The following SLMAP variants were observed in gnomAD, a reference collection of about 807,000 sequenced individuals.
The protein encoded by SLMAP is sarcolemmal membrane-associated protein.
SLMAP carries 44 observed loss-of-function variants against 128.8 expected under a neutral mutation model. The observed-to-expected ratio is 0.34, with a 90% confidence interval of 0.27 to 0.44. The LOEUF is 0.44. Ranked by LOEUF, SLMAP falls within the 20% of genes least tolerant of loss-of-function variation. The pLI is 1.00. For missense variants in SLMAP, 787 were observed against 985.3 expected, an observed-to-expected ratio of 0.80 and a Z score of 2.69; for synonymous variants, 327 against 348.8, an observed-to-expected ratio of 0.94 and a Z score of 0.70.
chr3:57,795,368 T>C (rs936628645), intron 2 of SLMAP, among the ~76,000 whole-genome samples: 10 of 151,986 alleles, frequency 6.6e-5, no homozygotes, highest in Admixed American at 1.3e-4. Flanking sequence ...TGAAACCCCG[T>C]CTCTACTAAA....
At chr3:57,913,801 T>C (rs1191721379) in intron 21 of SLMAP, among the ~76,000 whole-genome samples, 1 of 151,756 alleles carries the variant, frequency 6.6e-6, no homozygotes, top group Admixed American at 6.6e-5. Flanking sequence ...TACAAAAAAA[T>C]ACAAAAATTT....
chr3:57,846,836 G>A (rs909825977), intron 4 of SLMAP, among the ~76,000 whole-genome samples: 24 of 152,106 alleles, frequency 1.6e-4, no homozygotes, highest in African/African-American at 5.8e-4. Flanking sequence ...TGGAATTACA[G>A]GCATGAGCCA....
chr3:57,795,059 A>G (rs1258834145), intron 2 of SLMAP, among the ~76,000 whole-genome samples: 1 of 152,174 alleles, frequency 6.6e-6, no homozygotes, highest in Non-Finnish European at 1.5e-5. Flanking sequence ...TTCCTGGTCA[A>G]TACTTCTTAA....
intron 2 of SLMAP, among the ~76,000 whole-genome samples, chr3:57,767,380 C>G (rs935542752): frequency 2.6e-5 from 4 of 152,100 alleles, no homozygotes; most frequent in Admixed American, 2.6e-4. Context: ...TTCTGCAAAC[C>G]TGTGCAGTGT....
intron 2 of SLMAP, among the ~76,000 whole-genome samples, chr3:57,758,695 A>G (rs2078049429): frequency 6.6e-6 from 1 of 152,236 alleles, no homozygotes; most frequent in African/African-American, 2.4e-5. Context: ...TTATGTTAGT[A>G]TCGTAAGTTA....
chr3:57,836,502 T>A (rs111734071), intron 3 of SLMAP, among the ~76,000 whole-genome samples: 12 of 152,164 alleles, frequency 7.9e-5, no homozygotes, highest in African/African-American at 2.9e-4. Flanking sequence ...AATCTGTTTT[T>A]TAAATTTTTT....
chr3:57,857,888 TTAAA>T, intron 7 of SLMAP, 60 bp downstream of exon 7: 1 of 1,161,356 alleles, frequency 8.6e-7, no homozygotes, highest in Non-Finnish European at 1.3e-6. Flanking sequence ...TCCATACATG[TTAAA>T]TAAACTAAAA....
intron 13 of SLMAP, among the ~76,000 whole-genome samples, chr3:57,869,556 G>C (rs1056932138): frequency 7.6e-5 from 11 of 144,750 alleles, no homozygotes; most frequent in Non-Finnish European, 9.0e-5. Context: ...GTTTGAGGTT[G>C]TAGTGCACTA....
intron 13 of SLMAP, among the ~76,000 whole-genome samples, chr3:57,869,302 G>T (rs1021248583): frequency 6.6e-6 from 1 of 150,878 alleles, no homozygotes; most frequent in Admixed American, 6.7e-5. Context: ...TGATTAGGTT[G>T]TGCCCACCCA....
intron 2 of SLMAP, among the ~76,000 whole-genome samples, chr3:57,768,415 C>T (rs2080159980): frequency 1.3e-5 from 2 of 152,104 alleles, no homozygotes; most frequent in Admixed American, 1.3e-4. Flanking sequence ...AACAGGAATA[C>T]ATTCTCATAA....
chr3:57,808,433 G>A (rs1332650738), intron 2 of SLMAP, among the ~76,000 whole-genome samples: 1 of 152,138 alleles, frequency 6.6e-6, no homozygotes, highest in East Asian at 1.9e-4. Flanking sequence ...CTTTAGCTGT[G>A]TCCCAGAGAT....
chr3:57,811,549 A>G (rs576871320), intron 2 of SLMAP, among the ~76,000 whole-genome samples: 1 of 152,208 alleles, frequency 6.6e-6, no homozygotes, highest in Non-Finnish European at 1.5e-5. Context: ...TAATGCTGCT[A>G]TGATCATGGA....
rs1047677622 is a variant in SLMAP at position 57,929,929 on chromosome 3, A to G, written c.*2640A>G. Among the ~76,000 whole-genome samples the G allele has an allele frequency of 6.6e-6, 1 of 152,240 alleles. No homozygotes were observed. The highest frequency in any genetic ancestry group is 1.5e-5 in the Non-Finnish European group (1 of 68,038). ...TTTTTATGAGAATGTCATACTGAAA[A>G]AATATTGCAAATATTAAAGTTTTAG... On this transcript the variant is annotated 3_prime_UTR_variant, in exon 25 of 25. Transcript: ENST00000671191.
At chr3:57,815,199 G>A (rs2091677668) in intron 2 of SLMAP, among the ~76,000 whole-genome samples, 1 of 152,168 alleles carries the variant, frequency 6.6e-6, no homozygotes, top group South Asian at 2.1e-4. Flanking sequence ...GCACTTCTGT[G>A]AGAATCTAAT....
chr3:57,887,033 G>A (rs554945207), intron 14 of SLMAP, among the ~76,000 whole-genome samples: 181 of 151,760 alleles, frequency 1.2e-3, no homozygotes, highest in African/African-American at 4.0e-3. Context: ...CTACAGCATT[G>A]TTCATATAGT....
intron 17 of SLMAP, among the ~76,000 whole-genome samples, chr3:57,906,300 C>CTTTTTTTTCTTTTTTTTTTTTT (rs2096541411): frequency 1.4e-5 from 1 of 71,264 alleles, no homozygotes; most frequent in African/African-American, 4.8e-5. Context: ...AAATTTTTTT[C>CTTTTTTTTCTTTTTTTTTTTTT]TTTTTTTTTC....
intron 13 of SLMAP, among the ~76,000 whole-genome samples, chr3:57,870,096 T>C (rs1369689194): frequency 6.6e-6 from 1 of 152,126 alleles, no homozygotes; most frequent in African/African-American, 2.4e-5. Flanking sequence ...CTTTAATAAA[T>C]GTCATCTTAA....
Position 57,912,542 on chromosome 3 carries a change from T to C in SLMAP, c.1861T>C (p.Ser621Pro). ...CTCTGAGCGGGACACTGACATTGCT[T>C]CTTTACAAGAAGAGCTTAAGAAGGT... is the stretch of plus-strand genomic sequence containing the variant. ...VASERDTDIA[S>P]LQEELKKVRA... is the part of the protein sequence containing the mutation. The change falls in exon 20 of 25, where the codon TCT becomes CCT. Residue 621 changes from serine (S) to proline (P), a missense_variant. Ser to Pro is a moderately conservative substitution (Grantham distance 74). Transcript: ENST00000671191. The C allele has an allele frequency of 6.2e-7, 1 of 1,614,174 alleles. No individual in the cohort carries two copies. The highest frequency in any genetic ancestry group is 8.5e-7 in the Non-Finnish European group (1 of 1,180,022).
intron 4 of SLMAP, among the ~76,000 whole-genome samples, chr3:57,843,946 A>G (rs757168043): frequency 6.6e-6 from 1 of 151,466 alleles, no homozygotes; most frequent in Non-Finnish European, 1.5e-5. Flanking sequence ...ATGCCCAGCT[A>G]ATTTTTGTGT....
Sources: allele counts gnomAD v4.1 joint callset (sites outside exome capture counted in the v4.1 genomes callset), GRCh38; gene constraint gnomAD v4.1.1; transcripts MANE v1.5; gene names NCBI Gene and HGNC (gene_info 2026-07-23, HGNC 2026-07-21).